SSH2: variants seen among roughly 807,000 people sequenced by gnomAD.
SSH2 encodes the protein protein phosphatase Slingshot homolog 2.
A neutral mutation model predicts 135.2 loss-of-function variants in SSH2; 37 were observed. The ratio of observed to expected loss-of-function variants is 0.27; its 90% CI spans 0.21 to 0.36. The LOEUF (loss-of-function observed/expected upper bound fraction) is 0.36. SSH2 is among the 10% of genes least tolerant of loss of function. SSH2 has a pLI of 1.00. For missense variants in SSH2, 1,408 were observed against 1,765.3 expected (o/e 0.80, Z 3.63); for synonymous variants, 628 against 646.2 (o/e 0.97, Z 0.43).
intron 1 of SSH2, among the ~76,000 whole-genome samples, chr17:29,908,831 C>A (rs1285882036): frequency 7.0e-6 from 1 of 143,616 alleles, no homozygotes; most frequent in African/African-American, 2.6e-5. Context: ...GTAATCCCAG[C>A]AATTTGAGAG....
chr17:29,682,864 A>G (rs1285327683), intron 6 of SSH2, among the ~76,000 whole-genome samples: 1 of 152,216 alleles, frequency 6.6e-6, no homozygotes, highest in African/African-American at 2.4e-5. Flanking sequence ...ACCATGCAGG[A>G]GAAATCTTCC....
At chr17:29,819,090 G>A (rs181036044) in intron 2 of SSH2, among the ~76,000 whole-genome samples, 1 of 152,112 alleles carries the variant, frequency 6.6e-6, no homozygotes, top group East Asian at 1.9e-4. Flanking sequence ...GCTGGGTGTG[G>A]TGGTGCAAGC....
chr17:29,877,648 A>C (rs1173435229), intron 1 of SSH2, among the ~76,000 whole-genome samples: 1 of 152,138 alleles, frequency 6.6e-6, no homozygotes, highest in African/African-American at 2.4e-5. Flanking sequence ...TTGTATTCTC[A>C]TTTATTTATG....
At chr17:29,712,367 T>C (rs1204591412) in intron 3 of SSH2, among the ~76,000 whole-genome samples, 1 of 152,208 alleles carries the variant, frequency 6.6e-6, no homozygotes, top group Non-Finnish European at 1.5e-5. Context: ...CCAGCTTGAC[T>C]TTTCCCTTTG....
chr17:29,825,001 A>C (rs750163611), intron 2 of SSH2, among the ~76,000 whole-genome samples: 1 of 152,188 alleles, frequency 6.6e-6, no homozygotes, highest in African/African-American at 2.4e-5. Context: ...TGAAACCAAC[A>C]TAGAAAAAAG....
intron 2 of SSH2, among the ~76,000 whole-genome samples, chr17:29,829,984 T>C (rs9905634): frequency 0.14 from 20,666 of 151,636 alleles, 3,611 homozygotes; most frequent in African/African-American, 0.41. Flanking sequence ...GGACTACAGG[T>C]GCCCGCCACC....
At chr17:29,766,996 C>CA (rs2041461586) in intron 3 of SSH2, among the ~76,000 whole-genome samples, 1 of 152,140 alleles carries the variant, frequency 6.6e-6, no homozygotes, top group Admixed American at 6.5e-5. Context: ...TCATGTTTTG[C>CA]AATCACCATG....
intron 1 of SSH2, among the ~76,000 whole-genome samples, chr17:29,929,679 A>G (rs183081051): frequency 2.6e-5 from 4 of 151,994 alleles, no homozygotes; most frequent in Non-Finnish European, 4.4e-5. Context: ...TGCTCAAGCC[A>G]TAGGGAGGCA....
chr17:29,871,954 T>A (rs1442855844), intron 1 of SSH2, among the ~76,000 whole-genome samples: 1 of 152,236 alleles, frequency 6.6e-6, no homozygotes, highest in Non-Finnish European at 1.5e-5. Context: ...AACAGATGAA[T>A]AATTACATTG....
chr17:29,716,213 A>G lies in SSH2; in HGVS notation c.189-13151T>C, dbSNP rs147437963. The stretch of plus-strand genomic sequence containing the variant: ...TGGTCTCTCATACCCTTAAAAGAAA[A>G]CAACCTCCATGCCCCCAAACCTTAA... On this transcript the variant is annotated intron_variant, in intron 3 of 15. Coordinates refer to ENST00000540801, the MANE Select transcript of SSH2 (RefSeq NM_001282129.2). The G allele has an allele frequency of 4.2e-3, 1,145 of 273,402 alleles. 34 individuals carry two copies. In the Admixed American group the frequency reaches 0.044, roughly 10 times the overall value. 16.9% of individuals were successfully genotyped at this position (273,402 alleles called of 1,614,324 possible). A position where few individuals can be genotyped will look rare whatever the true frequency, so the allele number is the denominator to read the frequency against.
chr17:29,687,383 T>G (rs1473065865), intron 5 of SSH2, among the ~76,000 whole-genome samples: 2 of 152,248 alleles, frequency 1.3e-5, no homozygotes, highest in Non-Finnish European at 2.9e-5. Context: ...ACCATTCTGA[T>G]GCCAAATGCA....
chr17:29,885,637 T>C (rs539738245), intron 1 of SSH2, among the ~76,000 whole-genome samples: 4 of 152,314 alleles, frequency 2.6e-5, no homozygotes, highest in African/African-American at 9.6e-5. Context: ...CTTACTGATA[T>C]GGTTTGGGTA....
At chr17:29,714,414 T>C (rs1299146287) in intron 3 of SSH2, among the ~76,000 whole-genome samples, 1 of 152,320 alleles carries the variant, frequency 6.6e-6, no homozygotes, top group Non-Finnish European at 1.5e-5. Context: ...TTTCAAGCAT[T>C]TGGCCTAAGT....
chr17:29,767,635 A>G (rs914964681), intron 3 of SSH2, among the ~76,000 whole-genome samples: 1 of 151,428 alleles, frequency 6.6e-6, no homozygotes, highest in African/African-American at 2.4e-5. Context: ...ACACGCACAC[A>G]CACACACACA....
intron 1 of SSH2, among the ~76,000 whole-genome samples, chr17:29,907,127 A>G (rs1407024574): frequency 6.6e-6 from 1 of 152,246 alleles, no homozygotes; most frequent in Non-Finnish European, 1.5e-5. Flanking sequence ...CCCATCATTG[A>G]TAGACTGGAT....
At chr17:29,865,156 A>G (rs781255268) in intron 1 of SSH2, among the ~76,000 whole-genome samples, 4 of 152,214 alleles carry the variant, frequency 2.6e-5, no homozygotes, top group Non-Finnish European at 4.4e-5. Context: ...CTTCTCTATT[A>G]TACATATTTG....
At chr17:29,922,500 A>G (rs1300656871) in intron 1 of SSH2, among the ~76,000 whole-genome samples, 1 of 152,256 alleles carries the variant, frequency 6.6e-6, no homozygotes, top group Non-Finnish European at 1.5e-5. Flanking sequence ...TACATTTCAG[A>G]GTTTGTAGAT....
Position 29,631,213 on chromosome 17 carries a change from G to A in SSH2, c.3981C>T (p.His1327=), listed in dbSNP as rs8080046. 62 of 1,614,096 alleles carry A rather than the reference G, an allele frequency of 3.8e-5. No homozygotes were observed. Among genetic ancestry groups the A allele is most frequent in the Middle Eastern group, 3.3e-4 (2 of 6,062 alleles). ...CTAGGGACTCTTGGTCCTCCATCGC[G>A]TGCATGCCTGAGTCTGTTCTGAGGA... ...QPFLRTDSGM[H]AMEDQESLEN... is the part of the protein sequence containing the mutation. Residue 1327 remains histidine (H), a synonymous_variant, in exon 16 of 16, where the codon CAC becomes CAT. Transcript: ENST00000540801.
At chr17:29,760,068 A>G (rs746961596) in intron 3 of SSH2, among the ~76,000 whole-genome samples, 48 of 152,122 alleles carry the variant, frequency 3.2e-4, no homozygotes, top group Non-Finnish European at 6.2e-4. Flanking sequence ...CACACGGGAG[A>G]AAAAAAGAAA....
Sources: gnomAD v4.1 joint callset for allele counts (sites outside exome capture counted in the v4.1 genomes callset) on GRCh38, gnomAD v4.1.1 for gene constraint, MANE v1.5 for transcripts, NCBI Gene and HGNC (gene_info 2026-07-23, HGNC 2026-07-21) for gene names.